Variants in AFDN observed in about 807,000 individuals in gnomAD.
AFDN encodes afadin, adherens junction formation factor.
In AFDN, 68 loss-of-function variants were observed where a neutral mutation model predicts 216.6. That is an observed-to-expected ratio of 0.31 (90% confidence interval 0.26 to 0.38). AFDN has a LOEUF of 0.38. Among genes scored for constraint, AFDN ranks in the 10% least tolerant of loss-of-function variants. The pLI is 1.00. For synonymous variants in AFDN, 868 were observed against 853.7 expected (o/e 1.02, Z -0.29); for missense variants, 2,136 against 2,342.0 (o/e 0.91, Z 1.82).
chr6:167,901,902 G>T (rs943197071), intron 11 of AFDN, among the ~76,000 whole-genome samples: 12 of 151,770 alleles, frequency 7.9e-5, no homozygotes, highest in African/African-American at 2.9e-4. Context: ...AGACCAGCCT[G>T]GCCAACATGG....
Position 167,827,053 on chromosome 6 carries a change from G to C in AFDN, c.-80G>C, listed in dbSNP as rs1408615425. On this transcript the variant is annotated 5_prime_UTR_variant, in exon 1 of 34. Transcript: ENST00000683244. Reference sequence around the variant, plus strand: ...CGGCCGGCGGGGGGTGGCGAGGGGCGCCGGGCCCCCGCGGACCTGTCGTCC... The same window carrying C: ...CGGCCGGCGGGGGGTGGCGAGGGGCCCCGGGCCCCCGCGGACCTGTCGTCC... 1 of 637,580 alleles carries C rather than the reference G, an allele frequency of 1.6e-6. No homozygotes were observed. Among genetic ancestry groups the C allele is most frequent in the East Asian group, 1.2e-4 (1 of 8,112 alleles). The allele number at this position is 637,580 out of a possible 1,614,324, so 39.5% of individuals were successfully genotyped here.
intron 5 of AFDN, among the ~76,000 whole-genome samples, chr6:167,877,004 G>A (rs1280553102): frequency 6.6e-6 from 1 of 152,068 alleles, no homozygotes; most frequent in African/African-American, 2.4e-5. Flanking sequence ...TGGATTTGAG[G>A]GAATTCTGAT....
chr6:167,843,200 A>G (rs1403666592), intron 1 of AFDN, among the ~76,000 whole-genome samples: 2 of 152,160 alleles, frequency 1.3e-5, no homozygotes, highest in East Asian at 3.9e-4. Flanking sequence ...CTTTGCTTCT[A>G]GTCCATTCTA....
At chr6:167,839,321 G>A (rs534214922) in intron 1 of AFDN, among the ~76,000 whole-genome samples, 2 of 151,934 alleles carry the variant, frequency 1.3e-5, no homozygotes, top group East Asian at 1.9e-4. Context: ...CCTGTTTCAT[G>A]GGCCGAGAAG....
chr6:167,886,552 A>C (rs1021859206), intron 6 of AFDN, among the ~76,000 whole-genome samples: 7 of 152,196 alleles, frequency 4.6e-5, no homozygotes, highest in Admixed American at 4.6e-4. Flanking sequence ...CCTGGGCCTT[A>C]TAAGATAATC....
At chr6:167,849,314 TG>T (rs879860310) in intron 1 of AFDN, among the ~76,000 whole-genome samples, 2 of 151,842 alleles carry the variant, frequency 1.3e-5, no homozygotes, top group African/African-American at 2.4e-5. Context: ...ATGTAACTTG[TG>T]GGGGGGGAGA....
intron 23 of AFDN, among the ~76,000 whole-genome samples, 174 bp from the exon 24 acceptor site, chr6:167,942,955 G>A (rs541462326): frequency 4.6e-5 from 7 of 152,290 alleles, no homozygotes; most frequent in African/African-American, 7.2e-5. Context: ...ATTAACTGAT[G>A]CATGAATAAC....
In AFDN at chr6:167,864,673, G is replaced by A. The variant is rs758827842; in HGVS notation, c.228G>A (p.Ala76=). ...ATTQDVIETL[A]EKFRPDMRML... The stretch of plus-strand genomic sequence containing the variant: ...CTCAAGATGTAATCGAAACGCTCGC[G>A]GAGAAATTTCGACCTGATATGCGAA... Residue 76 remains alanine (A), a synonymous_variant, in exon 2 of 34, where the codon GCG becomes GCA. Transcript: ENST00000683244. 9 of 1,614,036 alleles carry A rather than the reference G, an allele frequency of 5.6e-6. No homozygotes were observed. In the African/African-American group the frequency reaches 6.7e-5, roughly 12 times the overall value.
At chr6:167,939,980 A>G (rs954673629) in intron 23 of AFDN, among the ~76,000 whole-genome samples, 4 of 152,236 alleles carry the variant, frequency 2.6e-5, no homozygotes, top group African/African-American at 9.6e-5. Flanking sequence ...GAAATTTTAA[A>G]TTTATAAAAA....
chr6:167,962,779 C>T lies in AFDN; in HGVS notation c.4968+212C>T. The T allele has an allele frequency of 2.2e-6, 3 of 1,393,196 alleles. No homozygotes were observed. The highest frequency in any genetic ancestry group is 2.8e-6 in the Non-Finnish European group (3 of 1,074,286). 86.3% of individuals were successfully genotyped at this position (1,393,196 alleles called of 1,614,324 possible). On this transcript the variant is annotated intron_variant, in intron 31 of 33. Coordinates refer to ENST00000683244, the MANE Select transcript of AFDN (RefSeq NM_001386888.1). The surrounding 1 kb of genome is among the most constrained non-coding windows in gnomAD (Gnocchi z 5.2). ...GACTGTCTCCAGATCCCCTTATCTG[C>T]CAAGTTTTGTCTCCTTCAAACTTCT...
chr6:167,840,929 T>G (rs1040671575), intron 1 of AFDN, among the ~76,000 whole-genome samples: 1 of 152,144 alleles, frequency 6.6e-6, no homozygotes, highest in Admixed American at 6.5e-5. Context: ...AGTTTGCAGT[T>G]CAGATGGACC....
intron 6 of AFDN, among the ~76,000 whole-genome samples, chr6:167,883,395 A>C (rs1786389794): frequency 6.6e-6 from 1 of 152,228 alleles, no homozygotes. Context: ...TGTGCATAGC[A>C]ATAAAAAAGC....
chr6:167,897,137 A>T (rs1425785185), intron 10 of AFDN, among the ~76,000 whole-genome samples, 165 bp downstream of exon 10: 2 of 152,196 alleles, frequency 1.3e-5, no homozygotes, highest in African/African-American at 4.8e-5. Flanking sequence ...TTTAGTGTGG[A>T]AACAGCAGAA....
intron 1 of AFDN, among the ~76,000 whole-genome samples, chr6:167,855,401 C>A (rs1488914756): frequency 6.6e-6 from 1 of 151,998 alleles, no homozygotes; most frequent in Admixed American, 6.6e-5. Flanking sequence ...TAAGTTTAAT[C>A]TTACAAAACG....
rs1450098739 is a variant in AFDN, at chr6:167,872,360, T to C, written c.561T>C (p.Pro187=). 3 of 1,609,664 alleles carry C rather than the reference T, an allele frequency of 1.9e-6. No homozygotes were observed. The highest frequency in any genetic ancestry group is 2.5e-6 in the Non-Finnish European group (3 of 1,178,814). ...AGGCATCTGATAAAGATGATAGACC[T>C]TTCCAAGGGGAGGATGTGTAAGTCA... ...LRQASDKDDR[P]FQGEDVENSR... is the part of the protein sequence containing the mutation. The change falls in exon 4 of 34, where the codon CCT becomes CCC. Residue 187 remains proline (P), a synonymous_variant. Coordinates refer to ENST00000683244, the MANE Select transcript of AFDN (RefSeq NM_001386888.1).
At chr6:167,880,236 A>C (rs1785943017) in intron 5 of AFDN, 124 bp from the exon 6 acceptor site, 2 of 822,260 alleles carry the variant, frequency 2.4e-6, no homozygotes, top group Non-Finnish European at 3.9e-6. Context: ...TATTAGGCAG[A>C]TTGTCTTTAC....
intron 23 of AFDN, among the ~76,000 whole-genome samples, chr6:167,929,689 C>CG (rs1470867948): frequency 1.3e-5 from 2 of 152,176 alleles, no homozygotes; most frequent in African/African-American, 2.4e-5. Flanking sequence ...AGGAGTCAGA[C>CG]GGGAAGAGGT....
chr6:167,926,704 A>T (rs1792582272), intron 23 of AFDN, among the ~76,000 whole-genome samples: 1 of 152,166 alleles, frequency 6.6e-6, no homozygotes, highest in Non-Finnish European at 1.5e-5. Flanking sequence ...CCAAAGTGCT[A>T]ACAAAGCTTT....
chr6:167,852,454 A>C (rs1032851187), intron 1 of AFDN, among the ~76,000 whole-genome samples: 2 of 152,196 alleles, frequency 1.3e-5, no homozygotes, highest in Non-Finnish European at 2.9e-5. Flanking sequence ...ATTCAGGTCC[A>C]ATTGTTGGAC....
Sources: allele counts gnomAD v4.1 joint callset (sites outside exome capture counted in the v4.1 genomes callset), GRCh38; gene constraint gnomAD v4.1.1; non-coding constraint Gnocchi (gnomAD v3.1); transcripts MANE v1.5; gene names NCBI Gene and HGNC (gene_info 2026-07-23, HGNC 2026-07-21).